The following GYS2 variants were observed in gnomAD, a reference collection of about 807,000 sequenced individuals.
GYS2 encodes glycogen [starch] synthase, liver.
In GYS2, 80 loss-of-function variants were observed where a neutral mutation model predicts 85.6. The observed-to-expected ratio is 0.93, with a 90% CI of 0.78 to 1.13. The LOEUF is 1.13. GYS2 is among the 50% of genes most tolerant of loss of function. The pLI is 0.00. For synonymous variants in GYS2, 328 were observed against 300.7 expected (o/e 1.09, Z -0.94); for missense variants, 881 against 854.9 (o/e 1.03, Z -0.38).
intron 13 of GYS2, among the ~76,000 whole-genome samples, chr12:21,540,798 A>G (rs1479805008): frequency 6.6e-6 from 1 of 151,958 alleles, no homozygotes; most frequent in Non-Finnish European, 1.5e-5. Context: ...GCTGAAAAAA[A>G]CTCTGGCAGT....
rs774720974 is a variant in GYS2 at position 21,574,181 on chromosome 12, C to T, written c.641G>A (p.Cys214Tyr). ...GTTGTAGAAATCAATATTTGCTGCA[C>T]AGAGATACCTCCCAAGTAGTGTAGC... The part of the protein sequence containing the change: ...THATLLGRYL[C>Y]AANIDFYNHL... The change falls in exon 4 of 16, where the codon TGT (cysteine) becomes TAT (tyrosine). Residue 214 changes from cysteine (C) to tyrosine (Y), a missense_variant. Physicochemically the swap from Cys to Tyr is radical, Grantham distance 194. Transcript: ENST00000261195. 1.2e-6 allele frequency: 2 copies of T among 1,613,390 alleles called. No homozygotes were observed. The highest frequency in any genetic ancestry group is 2.7e-5 in the African/African-American group (2 of 74,868).
At chr12:21,571,418 A>G (rs1299096416) in intron 4 of GYS2, among the ~76,000 whole-genome samples, 1 of 152,208 alleles carries the variant, frequency 6.6e-6, no homozygotes, top group African/African-American at 2.4e-5. Flanking sequence ...ATTTTAATAT[A>G]TCTCATAGTT....
chr12:21,587,408 G>A (rs1229833357), intron 1 of GYS2, among the ~76,000 whole-genome samples: 1 of 152,178 alleles, frequency 6.6e-6, no homozygotes, highest in African/African-American at 2.4e-5. Context: ...GGAGGGATTT[G>A]GAGGGAGGTA....
chr12:21,555,861 C>G (rs1944173096), intron 11 of GYS2, among the ~76,000 whole-genome samples: 1 of 152,142 alleles, frequency 6.6e-6, no homozygotes, highest in Admixed American at 6.5e-5. Context: ...GCCCCACCAG[C>G]AAGGGGACCC....
At chr12:21,555,176 G>A (rs1425250960) in intron 11 of GYS2, among the ~76,000 whole-genome samples, 1 of 152,156 alleles carries the variant, frequency 6.6e-6, no homozygotes, top group African/African-American at 2.4e-5. Flanking sequence ...CTTTCCAGGA[G>A]ACAGAGACAG....
Position 21,595,382 on chromosome 12 carries a change from A to T in GYS2, c.121+9090T>A, listed in dbSNP as rs117142316. On this transcript the variant is annotated intron_variant, in intron 1 of 15. Coordinates refer to ENST00000261195, the MANE Select transcript of GYS2 (RefSeq NM_021957.4). Reference sequence around the variant, plus strand: ...TGGGAAAGGGAGATCCTCCTCTCCTAAACACACACTCCCACTGGAGAAACT... The same window carrying T: ...TGGGAAAGGGAGATCCTCCTCTCCTTAACACACACTCCCACTGGAGAAACT... Among the ~76,000 whole-genome samples the T allele has an allele frequency of 5.2e-3, 796 of 152,248 alleles. 6 individuals are homozygous for T. Among genetic ancestry groups the T allele is most frequent in the Non-Finnish European group, 8.7e-3 (593 of 68,008 alleles).
intron 1 of GYS2, among the ~76,000 whole-genome samples, chr12:21,586,229 G>C (rs1455301634): frequency 2.6e-5 from 4 of 152,086 alleles, no homozygotes; most frequent in Non-Finnish European, 1.5e-5. Flanking sequence ...TCCTGGACTG[G>C]CTTAGCCTCC....
chr12:21,546,995 T>A (rs1279647229), intron 11 of GYS2, among the ~76,000 whole-genome samples: 1 of 152,088 alleles, frequency 6.6e-6, no homozygotes. Flanking sequence ...CAAACCTCCC[T>A]CCTCTCTCAG....
chr12:21,532,901 T>A (rs994105027), downstream of GYS2: 1 of 152,220 alleles, frequency 6.6e-6, no homozygotes, highest in African/African-American at 2.4e-5. Flanking sequence ...TCCTTGAATG[T>A]TCTTATGTAC....
chr12:21,565,063 T>G (rs1944301505), intron 5 of GYS2, among the ~76,000 whole-genome samples: 1 of 151,646 alleles, frequency 6.6e-6, no homozygotes, highest in Non-Finnish European at 1.5e-5. Flanking sequence ...CCAAATTGTT[T>G]CACAAACAAT....
intron 1 of GYS2, among the ~76,000 whole-genome samples, chr12:21,601,089 T>C (rs1341807398): frequency 6.6e-6 from 1 of 152,146 alleles, no homozygotes; most frequent in Non-Finnish European, 1.5e-5. Context: ...TGATCCTAAA[T>C]ATCCTTAACA....
intron 4 of GYS2, among the ~76,000 whole-genome samples, chr12:21,571,812 A>G (rs1385886166): frequency 1.3e-5 from 2 of 152,214 alleles, no homozygotes. Flanking sequence ...AATACAAAAA[A>G]TTAGCTGGCT....
chr12:21,540,655 G>C (rs1416791986), intron 13 of GYS2, 82 bp from the exon 14 acceptor site: 1 of 1,274,844 alleles, frequency 7.8e-7, no homozygotes, highest in Admixed American at 1.7e-5. Context: ...CTAACTCTTT[G>C]GTTCCATCAA....
chr12:21,562,639 A>G (rs989723879), intron 7 of GYS2, among the ~76,000 whole-genome samples: 3 of 63,894 alleles, frequency 4.7e-5, no homozygotes, highest in Non-Finnish European at 1.1e-4. Flanking sequence ...ATTAAAACAT[A>G]GAAGGGGAGA....
intron 3 of GYS2, among the ~76,000 whole-genome samples, 198 bp downstream of exon 3, chr12:21,575,662 AAATAGT>A (rs1434948667): frequency 6.6e-6 from 1 of 152,148 alleles, no homozygotes; most frequent in African/African-American, 2.4e-5. Flanking sequence ...GACATGAGGT[AAATAGT>A]AATAAGTATC....
chr12:21,576,006 C>T lies in GYS2; in HGVS notation c.355G>A (p.Asp119Asn), dbSNP rs759292321. The change falls in exon 3 of 16, where the codon GAC becomes AAC. Residue 119 changes from aspartate (D) to asparagine (N), a missense_variant. Asp to Asn is a conservative substitution (Grantham distance 23). Transcript: ENST00000261195. ...AGATTCCAAGCTGAATAGCCTATGT[C>T]AAAAAGTACCACATAAGGACTTCCT... ...IEGSPYVVLF[D>N]IGYSAWNLDR... 6.2e-7 allele frequency: 1 copy of T among 1,613,764 alleles called. No homozygotes were observed. The highest frequency in any genetic ancestry group is 8.5e-7 in the Non-Finnish European group (1 of 1,179,832).
At chr12:21,566,570 A>G (rs1303466503) in intron 5 of GYS2, among the ~76,000 whole-genome samples, 1 of 152,164 alleles carries the variant, frequency 6.6e-6, no homozygotes, top group Non-Finnish European at 1.5e-5. Context: ...TCAGTAATAG[A>G]TGAGAACTTG....
chr12:21,559,279 T>A, intron 9 of GYS2, 110 bp from the exon 10 acceptor site: 1 of 622,256 alleles, frequency 1.6e-6, no homozygotes, highest in Non-Finnish European at 2.8e-6. Flanking sequence ...ATAAATAATG[T>A]TGATTATTCT....
chr12:21,557,218 A>G (rs563356510), intron 11 of GYS2, among the ~76,000 whole-genome samples: 1 of 152,368 alleles, frequency 6.6e-6, no homozygotes, highest in South Asian at 2.1e-4. Flanking sequence ...CTTGAACATT[A>G]GTGGATGGAG....
Sources: allele counts gnomAD v4.1 joint callset (sites outside exome capture counted in the v4.1 genomes callset), GRCh38; gene constraint gnomAD v4.1.1; transcripts MANE v1.5; gene names NCBI Gene and HGNC (gene_info 2026-07-23, HGNC 2026-07-21).